The following TACR3 variants were observed in gnomAD, a reference collection of about 807,000 sequenced individuals.
TACR3 encodes neuromedin-K receptor.
In TACR3, 34 loss-of-function variants were observed where a neutral mutation model predicts 35.0. The ratio of observed to expected loss-of-function variants is 0.97; its 90% CI spans 0.74 to 1.30. TACR3 has a LOEUF of 1.30. Ranked by LOEUF, TACR3 falls within the 50% of genes most tolerant of loss-of-function variation. The pLI is 0.00. For missense variants in TACR3, 558 were observed against 591.7 expected (o/e 0.94, Z 0.59); for synonymous variants, 233 against 221.1 (o/e 1.05, Z -0.48).
At chr4:103,641,617 C>G (rs1388940825) in intron 3 of TACR3, among the ~76,000 whole-genome samples, 2 of 151,932 alleles carry the variant, frequency 1.3e-5, no homozygotes, top group Non-Finnish European at 2.9e-5. Flanking sequence ...TCAGCAATCT[C>G]ACTTCTGTAT....
At chr4:103,622,934 G>A (rs954699302) in intron 3 of TACR3, among the ~76,000 whole-genome samples, 2 of 152,008 alleles carry the variant, frequency 1.3e-5, no homozygotes, top group African/African-American at 4.8e-5. Context: ...AAAATAAAAT[G>A]CATGTTAAAG....
At chr4:103,621,936 A>G (rs923572891) in intron 3 of TACR3, among the ~76,000 whole-genome samples, 4 of 152,196 alleles carry the variant, frequency 2.6e-5, no homozygotes, top group Non-Finnish European at 5.9e-5. Context: ...TATCCAAATG[A>G]GATCCTAAAT....
chr4:103,672,741 C>A (rs1420575053), intron 1 of TACR3, among the ~76,000 whole-genome samples: 4 of 152,148 alleles, frequency 2.6e-5, no homozygotes, highest in Non-Finnish European at 5.9e-5. Context: ...GTAACAGAGT[C>A]TGCCTGTCAT....
Position 103,702,595 on chromosome 4 carries a change from T to C in TACR3, c.548+16533A>G, listed in dbSNP as rs181692663. 8.1e-3 allele frequency among the ~76,000 whole-genome samples: 1,233 copies of C among 152,174 alleles called. 20 individuals are homozygous for C. The highest frequency in any genetic ancestry group is 0.028 in the African/African-American group (1,180 of 41,502). ...TAAATCATGCTGCTATAAACACACA[T>C]GCACATGTATGTTTATTGCGGCACT... is the stretch of plus-strand genomic sequence containing the variant. On this transcript the variant is annotated intron_variant, in intron 1 of 4. Coordinates refer to ENST00000304883, the MANE Select transcript of TACR3 (RefSeq NM_001059.3).
chr4:103,718,517 T>A (rs10488860), intron 1 of TACR3, among the ~76,000 whole-genome samples: 7,851 of 152,276 alleles, frequency 0.052, 553 homozygotes, highest in African/African-American at 0.15. Flanking sequence ...GGAAATTAAA[T>A]CTAATCTGAG....
intron 3 of TACR3, among the ~76,000 whole-genome samples, chr4:103,627,044 T>G (rs967747716): frequency 1.3e-5 from 2 of 150,356 alleles, no homozygotes; most frequent in Admixed American, 6.6e-5. Context: ...TAGCTGGGCG[T>G]GGTGGCAGGC....
intron 3 of TACR3, among the ~76,000 whole-genome samples, chr4:103,637,564 A>G (rs1308076443): frequency 6.6e-6 from 1 of 152,146 alleles, no homozygotes; most frequent in Non-Finnish European, 1.5e-5. Flanking sequence ...CTCCTATTCA[A>G]CATAGTGTTG....
At chr4:103,701,346 C>T (rs867638871) in intron 1 of TACR3, among the ~76,000 whole-genome samples, 35 of 150,634 alleles carry the variant, frequency 2.3e-4, no homozygotes, top group South Asian at 6.3e-4. Flanking sequence ...TTACAAGGGA[C>T]GTGAAGGACC....
rs149452723 is a variant in TACR3 at position 103,665,098 on chromosome 4, C to T, written c.549-6695G>A. On this transcript the variant is annotated intron_variant, in intron 1 of 4. Transcript: ENST00000304883. Reference sequence around the variant, plus strand: ...AAAGTGCTGGGATTACAGGCATGAACCACCAAACCCGGCCCATAACTGTCT... The same window carrying T: ...AAAGTGCTGGGATTACAGGCATGAATCACCAAACCCGGCCCATAACTGTCT... Among the ~76,000 whole-genome samples the T allele has an allele frequency of 7.6e-4, 116 of 152,106 alleles. 1 individual carries two copies. Among genetic ancestry groups the T allele is most frequent in the Non-Finnish European group, 1.4e-3 (96 of 68,008 alleles).
chr4:103,641,068 G>A (rs897029468), intron 3 of TACR3, among the ~76,000 whole-genome samples: 2 of 151,802 alleles, frequency 1.3e-5, no homozygotes, highest in Non-Finnish European at 1.5e-5. Flanking sequence ...TCCATTTTGA[G>A]TTGATTTTTA....
rs892330124 is a variant in TACR3, at chr4:103,587,221, A to G, written c.*2461T>C. 2.0e-5 allele frequency: 3 copies of G among 151,564 alleles called. No homozygotes were observed. The highest frequency in any genetic ancestry group is 6.6e-5 in the Admixed American group (1 of 15,180). 9.4% of individuals were successfully genotyped at this position (151,564 alleles called of 1,614,324 possible). ...TGTAATTCTTATTGTCAAAATGCAG[A>G]CAAAAGAGTGAAAAATCTTCTCTTT... is the stretch of plus-strand genomic sequence containing the variant. On this transcript the variant is annotated 3_prime_UTR_variant, in exon 5 of 5. Transcript: ENST00000304883.
At chr4:103,596,839 T>C (rs1428946187) in intron 3 of TACR3, among the ~76,000 whole-genome samples, 1 of 151,592 alleles carries the variant, frequency 6.6e-6, no homozygotes, top group Non-Finnish European at 1.5e-5. Flanking sequence ...CACCTGTGAG[T>C]GAGAACATGC....
chr4:103,680,157 T>G (rs1578254637), intron 1 of TACR3, among the ~76,000 whole-genome samples: 1 of 145,694 alleles, frequency 6.9e-6, no homozygotes, highest in African/African-American at 2.8e-5. Context: ...TGATGAAACA[T>G]ATGGGATGTT....
At chr4:103,715,621 A>C (rs1385668919) in intron 1 of TACR3, among the ~76,000 whole-genome samples, 1 of 152,198 alleles carries the variant, frequency 6.6e-6, no homozygotes, top group East Asian at 1.9e-4. Context: ...GTTTAAAAAA[A>C]TATTTAATTA....
In TACR3 at chr4:103,586,141, TACC is replaced by T. The variant is rs1486948545; in HGVS notation, c.*3538_*3540del. 5.9e-5 allele frequency: 9 copies of T among 152,038 alleles called. No individual in the cohort carries two copies. In the East Asian group the frequency reaches 1.2e-3, roughly 19 times the overall value. The allele number at this position is 152,038 out of a possible 1,614,324, so 9.4% of individuals were successfully genotyped here. A position where few individuals can be genotyped will look rare whatever the true frequency, so the allele number is the denominator to read the frequency against. ...ATACATTAAACATATTCAATATAAT[TACC>T]ACAACTTGAAAATACTTTATTCACT... On this transcript the variant is annotated 3_prime_UTR_variant, in exon 5 of 5. Transcript: ENST00000304883.
intron 1 of TACR3, among the ~76,000 whole-genome samples, chr4:103,661,251 C>A (rs1322205775): frequency 3.3e-5 from 5 of 151,988 alleles, no homozygotes; most frequent in Admixed American, 3.3e-4. Context: ...ATTTTTGAAT[C>A]TAAAAGCCTT....
At chr4:103,636,365 GT>G (rs1393340613) in intron 3 of TACR3, among the ~76,000 whole-genome samples, 1 of 150,144 alleles carries the variant, frequency 6.7e-6, no homozygotes, top group Admixed American at 6.7e-5. Flanking sequence ...AGCTTCATGA[GT>G]TTTTTTCTGA....
intron 3 of TACR3, among the ~76,000 whole-genome samples, chr4:103,611,318 TTA>T (rs1724506329): frequency 6.6e-6 from 1 of 152,188 alleles, no homozygotes; most frequent in Non-Finnish European, 1.5e-5. Flanking sequence ...TTCATAGTTT[TTA>T]TTGTAGAGAT....
chr4:103,638,960 G>T (rs1047932627), intron 3 of TACR3, among the ~76,000 whole-genome samples: 4 of 152,128 alleles, frequency 2.6e-5, no homozygotes, highest in African/African-American at 9.7e-5. Context: ...GAGAGGATGT[G>T]GGGAAATAGG....
Sources: gnomAD v4.1 joint callset for allele counts (sites outside exome capture counted in the v4.1 genomes callset) on GRCh38, gnomAD v4.1.1 for gene constraint, MANE v1.5 for transcripts, NCBI Gene and HGNC (gene_info 2026-07-23, HGNC 2026-07-21) for gene names.